Variants in MYLK observed in about 807,000 individuals in gnomAD.
The protein encoded by MYLK is myosin light chain kinase, also known as myosin light chain kinase, smooth muscle.
Under a neutral mutation model 203.4 loss-of-function variants are expected in MYLK, and 106 were observed. The observed-to-expected ratio is 0.52, with a 90% CI of 0.45 to 0.61. The LOEUF is 0.61. Among genes scored for constraint, MYLK ranks in the 20% least tolerant of loss-of-function variants. The pLI is 0.00. For missense variants in MYLK, 2,072 were observed against 2,442.3 expected, an observed-to-expected ratio of 0.85 and a Z score of 3.20; for synonymous variants, 867 against 959.5, an observed-to-expected ratio of 0.90 and a Z score of 1.78.
intron 31 of MYLK, chr3:123,624,429 T>C (rs1034267920): frequency 4.6e-5 from 7 of 152,156 alleles, no homozygotes; most frequent in African/African-American, 1.7e-4. Context: ...TCTCTGCTCC[T>C]AGCCCCTGGG....
Position 123,700,985 on chromosome 3 carries a change from C to A in MYLK, c.2483G>T (p.Cys828Phe), listed in dbSNP as rs767423365. The A allele has an allele frequency of 8.1e-6, 13 of 1,606,458 alleles. No individual in the cohort carries two copies. Among genetic ancestry groups the A allele is most frequent in the Non-Finnish European group, 1.1e-5 (13 of 1,179,978 alleles). ...ALPRGREPASCEDLCGGGVGA... is the reference protein window; with the variant it reads ...ALPRGREPASFEDLCGGGVGA... ...AACTCCTCCACCACAGAGGTCCTCG[C>A]AGCTGGCAGGCTCCCTCCCCCTGCA... Residue 828 changes from cysteine (C) to phenylalanine (F), a missense_variant, in exon 18 of 34, where the codon TGC becomes TTC. Physicochemically the swap from Cys to Phe is radical, Grantham distance 205 (BLOSUM62 -2). This residue lies in a region of MYLK where 865 missense variants were observed against 1,016.0 expected (regional missense o/e 0.85). Coordinates refer to ENST00000360304, the MANE Select transcript of MYLK (RefSeq NM_053025.4).
intron 11 of MYLK, among the ~76,000 whole-genome samples, chr3:123,730,517 C>G (rs530632953): frequency 6.6e-6 from 1 of 152,126 alleles, no homozygotes; most frequent in Non-Finnish European, 1.5e-5. Context: ...TTAAGTGATG[C>G]GTGGATAAAC....
At chr3:123,750,233 A>G (rs948266179) in intron 5 of MYLK, among the ~76,000 whole-genome samples, 1 of 152,112 alleles carries the variant, frequency 6.6e-6, no homozygotes, top group Non-Finnish European at 1.5e-5. Context: ...CTTACATTTT[A>G]TGTCTTAATT....
At position 123,700,073 on chromosome 3, in the gene MYLK, G is replaced by A. The variant is rs202025561; in HGVS notation, c.3395C>T (p.Thr1132Met). 63 of 1,613,860 alleles carry A rather than the reference G, an allele frequency of 3.9e-5. No homozygotes were observed. The highest frequency in any genetic ancestry group is 2.2e-4 in the South Asian group (20 of 91,066). The change falls in exon 18 of 34, where the codon ACG (threonine) becomes ATG (methionine). Residue 1132 changes from threonine to methionine, a missense_variant. Around this residue, in one of 3 missense-constraint regions of MYLK, gnomAD observed 865 missense variants for 1,016.0 expected, o/e 0.85. Transcript: ENST00000360304. Reference protein sequence around the residue: ...SSDPPATIIWTLNGKTLKTTK... With the variant: ...SSDPPATIIWMLNGKTLKTTK... ...GGTCTTGAGGGTCTTTCCGTTCAGC[G>A]TCCAGATGATGGTGGCTGGGGGGTC...
chr3:123,736,703 T>G (rs1049048155), intron 8 of MYLK, among the ~76,000 whole-genome samples: 2 of 151,998 alleles, frequency 1.3e-5, no homozygotes. Context: ...AAAGACAGAG[T>G]AAATTATCAG....
chr3:123,866,768 T>C (rs1294145823), intron 2 of MYLK, among the ~76,000 whole-genome samples: 1 of 151,856 alleles, frequency 6.6e-6, no homozygotes, highest in Non-Finnish European at 1.5e-5. Flanking sequence ...ACCCTTAGAG[T>C]CAAGGAGCTT....
chr3:123,842,102 ATC>A (rs1451877328), intron 2 of MYLK, among the ~76,000 whole-genome samples: 1 of 152,088 alleles, frequency 6.6e-6, no homozygotes, highest in Non-Finnish European at 1.5e-5. Context: ...TATATACAAT[ATC>A]TATCTATATC....
At chr3:123,763,187 G>C (rs2063589544) in intron 4 of MYLK, among the ~76,000 whole-genome samples, 1 of 152,132 alleles carries the variant, frequency 6.6e-6, no homozygotes, top group African/African-American at 2.4e-5. Context: ...GATATCCTTA[G>C]TTTTTTAAGG....
In MYLK at chr3:123,708,870, C is replaced by A. The variant is rs138172035; in HGVS notation, c.1968G>T (p.Trp656Cys). 3,534 of 1,614,048 alleles carry A rather than the reference C, an allele frequency of 2.2e-3. 5 individuals carry two copies. Among genetic ancestry groups the A allele is most frequent in the Non-Finnish European group, 2.7e-3 (3,185 of 1,179,976 alleles). Residue 656 changes from tryptophan (W) to cysteine (C), a missense_variant, in exon 15 of 34, where the codon TGG (tryptophan) becomes TGT (cysteine). This residue lies in a region of MYLK where 865 missense variants were observed against 1,016.0 expected (regional missense o/e 0.85). Coordinates refer to ENST00000360304, the MANE Select transcript of MYLK (RefSeq NM_053025.4). ...VSGNPPPEVI[W>C]LHNGNEIQES... Reference sequence around the variant, plus strand: ...CTTGGATCTCATTCCCATTGTGCAGCCAGATGACTTCAGGGGGTGGATTCC... The same window carrying A: ...CTTGGATCTCATTCCCATTGTGCAGACAGATGACTTCAGGGGGTGGATTCC...
intron 3 of MYLK, among the ~76,000 whole-genome samples, chr3:123,828,560 A>G (rs1020601633): frequency 1.3e-5 from 2 of 152,212 alleles, no homozygotes; most frequent in Non-Finnish European, 2.9e-5. Flanking sequence ...TATTTTATGA[A>G]TAAGACCTCA....
intron 5 of MYLK, among the ~76,000 whole-genome samples, chr3:123,747,116 G>A (rs1364028954): frequency 2.6e-5 from 4 of 152,186 alleles, no homozygotes; most frequent in African/African-American, 9.6e-5. Flanking sequence ...ATCTGCCCCT[G>A]AAAAACGGCA....
intron 13 of MYLK, among the ~76,000 whole-genome samples, chr3:123,718,942 TA>T (rs1250817648): frequency 1.3e-5 from 2 of 152,156 alleles, no homozygotes; most frequent in Non-Finnish European, 1.5e-5. Context: ...TAAGTAAGTG[TA>T]ATACTAGAAG....
chr3:123,658,146 T>A (rs2091778828), intron 23 of MYLK, among the ~76,000 whole-genome samples: 1 of 152,272 alleles, frequency 6.6e-6, no homozygotes, highest in Non-Finnish European at 1.5e-5. Flanking sequence ...TATTTCTAAC[T>A]TTATATACTT....
At chr3:123,863,877 G>A (rs979251844) in intron 2 of MYLK, among the ~76,000 whole-genome samples, 1 of 152,086 alleles carries the variant, frequency 6.6e-6, no homozygotes, top group Non-Finnish European at 1.5e-5. Flanking sequence ...GAAAACATAT[G>A]TCTACCCAAA....
intron 20 of MYLK, among the ~76,000 whole-genome samples, chr3:123,670,795 T>C (rs2059891035): frequency 2.0e-5 from 3 of 152,264 alleles, no homozygotes; most frequent in Admixed American, 2.0e-4. Flanking sequence ...ACTAGTCACA[T>C]TTCAGGTTCT....
chr3:123,805,544 G>A (rs1321465228), intron 3 of MYLK, among the ~76,000 whole-genome samples: 2 of 152,072 alleles, frequency 1.3e-5, no homozygotes, highest in Non-Finnish European at 2.9e-5. Context: ...AGAGAGAGAG[G>A]GCCAATTCCT....
chr3:123,782,166 CT>C (rs1253155894), intron 4 of MYLK, among the ~76,000 whole-genome samples: 1 of 152,118 alleles, frequency 6.6e-6, no homozygotes, highest in African/African-American at 2.4e-5. Flanking sequence ...TATGTGGGAA[CT>C]AGAACCCCAG....
At chr3:123,624,854 C>T (rs1576341620) in intron 31 of MYLK, 1 of 152,250 alleles carries the variant, frequency 6.6e-6, no homozygotes, top group African/African-American at 2.4e-5. Flanking sequence ...GTCACTTAAA[C>T]TCCACACTTG....
chr3:123,642,609 C>A lies in MYLK; in HGVS notation c.4620-2105G>T, dbSNP rs1421970274. ...CCCCAAATGGCCTGCAGGTGGCGCT[C>A]TTGTCCTTATGCCCTCCATTTCTAT... On this transcript the variant is annotated intron_variant, in intron 27 of 33. Coordinates refer to ENST00000360304, the MANE Select transcript of MYLK (RefSeq NM_053025.4). This position sits in a 1 kb window ranked among gnomAD's most constrained non-coding sequence, Gnocchi z 4.2. Among the ~76,000 whole-genome samples, 1 of 152,226 alleles carries A rather than the reference C, an allele frequency of 6.6e-6. No individual in the cohort carries two copies. Among genetic ancestry groups the A allele is most frequent in the African/African-American group, 2.4e-5 (1 of 41,458 alleles).
Sources: allele counts gnomAD v4.1 joint callset (sites outside exome capture counted in the v4.1 genomes callset), GRCh38; gene constraint gnomAD v4.1.1; regional missense constraint gnomAD v4.1.1; non-coding constraint Gnocchi (gnomAD v3.1); transcripts MANE v1.5; gene names NCBI Gene and HGNC (gene_info 2026-07-23, HGNC 2026-07-21).